EFR3A: variants seen among roughly 807,000 people sequenced by gnomAD.
EFR3A encodes EFR3 homolog A.
A neutral mutation model predicts 104.4 loss-of-function variants in EFR3A; 76 were observed. The ratio of observed to expected loss-of-function variants is 0.73; its 90% CI spans 0.60 to 0.88. EFR3A has a LOEUF of 0.88. Among genes scored for constraint, EFR3A ranks in the 40% least tolerant of loss-of-function variants. EFR3A has a pLI of 0.00. For missense variants in EFR3A, 985 were observed against 1,012.5 expected, an observed-to-expected ratio of 0.97 and a Z score of 0.37; for synonymous variants, 330 against 330.0, an observed-to-expected ratio of 1.00 and a Z score of 0.00.
At chr8:131,957,094 ATTAG>A (rs1409713836) in intron 7 of EFR3A, among the ~76,000 whole-genome samples, 7 of 152,136 alleles carry the variant, frequency 4.6e-5, no homozygotes, top group Admixed American at 2.6e-4. Context: ...CTGATCATGT[ATTAG>A]TTAATTAATT....
At chr8:131,926,424 TA>T (rs1037974465) in intron 1 of EFR3A, among the ~76,000 whole-genome samples, 9 of 152,090 alleles carry the variant, frequency 5.9e-5, no homozygotes, top group Non-Finnish European at 1.2e-4. Context: ...ATTGAAGAAA[TA>T]AAAAAAATTT....
chr8:131,978,806 A>G (rs1820445196), intron 12 of EFR3A, 41 bp from the exon 13 acceptor site: 1 of 1,392,990 alleles, frequency 7.2e-7, no homozygotes, highest in East Asian at 2.6e-5. Flanking sequence ...CAAAAAAAGG[A>G]CTCATGACAA....
intron 19 of EFR3A, among the ~76,000 whole-genome samples, chr8:131,997,646 T>C (rs1020249368): frequency 2.6e-5 from 4 of 152,092 alleles, no homozygotes; most frequent in African/African-American, 9.6e-5. Context: ...ATTTAATTTA[T>C]ACACTCCTTA....
chr8:131,983,005 A>G (rs1398837363), intron 14 of EFR3A, among the ~76,000 whole-genome samples: 1 of 152,198 alleles, frequency 6.6e-6, no homozygotes, highest in African/African-American at 2.4e-5. Context: ...TCATTGTCAC[A>G]GCTGGAGAAC....
chr8:131,973,390 A>G (rs888016213), intron 10 of EFR3A, among the ~76,000 whole-genome samples: 5 of 152,082 alleles, frequency 3.3e-5, no homozygotes, highest in African/African-American at 1.2e-4. Flanking sequence ...AATGACTTCT[A>G]ATTAATTCAG....
chr8:131,904,455 C>T, intron 1 of EFR3A, 133 bp downstream of exon 1: 1 of 922,578 alleles, frequency 1.1e-6, no homozygotes, highest in Non-Finnish European at 1.4e-6. Context: ...CTGCGAGCGG[C>T]GGAGTTAGTT....
chr8:132,002,903 T>C (rs1821854009), intron 21 of EFR3A, among the ~76,000 whole-genome samples, 197 bp downstream of exon 21: 1 of 152,212 alleles, frequency 6.6e-6, no homozygotes, highest in African/African-American at 2.4e-5. Context: ...CTGATGGAAA[T>C]AGTGGAACTG....
At chr8:131,911,914 TTTC>T (rs1411431001) in intron 1 of EFR3A, among the ~76,000 whole-genome samples, 1 of 152,172 alleles carries the variant, frequency 6.6e-6, no homozygotes, top group African/African-American at 2.4e-5. Flanking sequence ...GGTCAGGTAA[TTTC>T]TTTATGATCA....
intron 15 of EFR3A, among the ~76,000 whole-genome samples, chr8:131,984,666 C>T (rs56387574): frequency 0.038 from 5,718 of 152,026 alleles, 222 homozygotes; most frequent in African/African-American, 0.099. Context: ...ATGCAATGGC[C>T]ATATATGCAT....
chr8:132,003,326 CGAATAG>C, intron 22 of EFR3A, 41 bp downstream of exon 22: 1 of 1,526,528 alleles, frequency 6.6e-7, no homozygotes, highest in Non-Finnish European at 9.0e-7. Flanking sequence ...CACACACACA[CGAATAG>C]AAACTGACAG....
intron 14 of EFR3A, among the ~76,000 whole-genome samples, 157 bp downstream of exon 14, chr8:131,979,578 A>G (rs1820499941): frequency 6.6e-6 from 1 of 152,118 alleles, no homozygotes; most frequent in Admixed American, 6.6e-5. Context: ...CAAGTGTAAC[A>G]TTCCTGTCGG....
chr8:131,987,370 A>G (rs569508013), intron 17 of EFR3A, among the ~76,000 whole-genome samples: 1 of 152,310 alleles, frequency 6.6e-6, no homozygotes, highest in South Asian at 2.1e-4. Context: ...TCACTGCAGA[A>G]TGGTTAATAT....
chr8:131,936,781 G>A (rs142021029), intron 1 of EFR3A, among the ~76,000 whole-genome samples: 34 of 152,270 alleles, frequency 2.2e-4, no homozygotes, highest in African/African-American at 7.0e-4. Context: ...AAGTATGGGA[G>A]AAGGAGTGAG....
intron 22 of EFR3A, among the ~76,000 whole-genome samples, chr8:132,008,289 T>G (rs757243089): frequency 1.3e-5 from 2 of 152,076 alleles, no homozygotes; most frequent in Non-Finnish European, 2.9e-5. Flanking sequence ...CCAATAAGCA[T>G]GTGTAAAAGT....
chr8:131,950,918 A>G lies in EFR3A; in HGVS notation c.488+828A>G, dbSNP rs928763943. ...GGTTGATAGAATGAGACATACAGAA[A>G]TGAGAAACTTTAAAGTTAAGAAAGT... On this transcript the variant is annotated intron_variant, in intron 5 of 22. Coordinates refer to ENST00000254624, the MANE Select transcript of EFR3A (RefSeq NM_015137.6). Among the ~76,000 whole-genome samples, 4 of 152,306 alleles carry G rather than the reference A, an allele frequency of 2.6e-5. No homozygotes were observed. The East Asian group carries it at 7.7e-4, about 29-fold the overall frequency.
chr8:131,985,165 G>T, intron 16 of EFR3A, 105 bp downstream of exon 16: 1 of 1,164,090 alleles, frequency 8.6e-7, no homozygotes, highest in East Asian at 2.4e-5. Flanking sequence ...TCAAATTAAG[G>T]TAATTCTATA....
chr8:131,968,535 A>AT, intron 9 of EFR3A, 105 bp downstream of exon 9: 4 of 1,169,878 alleles, frequency 3.4e-6, no homozygotes, highest in Non-Finnish European at 4.6e-6. Context: ...ATTTCTACAC[A>AT]TTTTTCGGTG....
At chr8:131,934,354 GTA>G (rs1199802583) in intron 1 of EFR3A, among the ~76,000 whole-genome samples, 1 of 152,028 alleles carries the variant, frequency 6.6e-6, no homozygotes, top group Non-Finnish European at 1.5e-5. Flanking sequence ...GGAGTCCTCA[GTA>G]TCCAGTTCGA....
chr8:131,928,575 G>T (rs1270328020), intron 1 of EFR3A, among the ~76,000 whole-genome samples: 4 of 151,986 alleles, frequency 2.6e-5, no homozygotes, highest in Non-Finnish European at 5.9e-5. Context: ...TTATAATCTT[G>T]TTGTAAACTA....
Sources: gnomAD v4.1 joint callset for allele counts (sites outside exome capture counted in the v4.1 genomes callset) on GRCh38, gnomAD v4.1.1 for gene constraint, MANE v1.5 for transcripts, NCBI Gene and HGNC (gene_info 2026-07-23, HGNC 2026-07-21) for gene names.